Variants in DNAH14 observed in about 807,000 individuals in gnomAD.
DNAH14 encodes the protein axonemal beta dynein heavy chain 14.
DNAH14 carries 478 observed loss-of-function variants against 520.9 expected under a neutral mutation model. The observed-to-expected ratio is 0.92, with a 90% CI of 0.85 to 0.99. DNAH14 has a LOEUF of 0.99. DNAH14 is among the 50% of genes least tolerant of loss of function. The pLI is 0.00. For missense variants in DNAH14, 4,831 were observed against 5,234.5 expected (o/e 0.92, Z 2.38); for synonymous variants, 1,581 against 1,757.2 (o/e 0.90, Z 2.51).
intron 11 of DNAH14, among the ~76,000 whole-genome samples, chr1:225,035,007 A>T (rs2066840865): frequency 6.7e-6 from 1 of 149,924 alleles, no homozygotes; most frequent in Admixed American, 6.7e-5. Context: ...TATTTTATTA[A>T]TTTTTTCAAA....
chr1:225,171,365 A>T (rs979916224), intron 36 of DNAH14, among the ~76,000 whole-genome samples: 8 of 152,164 alleles, frequency 5.3e-5, no homozygotes, highest in Admixed American at 5.2e-4. Flanking sequence ...AAATTGATAG[A>T]CCGCTAGCAA....
intron 84 of DNAH14, among the ~76,000 whole-genome samples, chr1:225,393,673 A>G (rs1282417609): frequency 1.3e-5 from 2 of 151,892 alleles, no homozygotes; most frequent in Non-Finnish European, 1.5e-5. Flanking sequence ...GATACTGCCA[A>G]ATGGTTTTTC....
intron 4 of DNAH14, among the ~76,000 whole-genome samples, chr1:224,960,590 A>T (rs565834372): frequency 6.6e-6 from 1 of 152,238 alleles, no homozygotes; most frequent in African/African-American, 2.4e-5. Context: ...TTTTTTACAT[A>T]CAACTGTAGT....
At chr1:225,236,540 A>G (rs1486950235) in intron 42 of DNAH14, among the ~76,000 whole-genome samples, 1 of 152,172 alleles carries the variant, frequency 6.6e-6, no homozygotes, top group African/African-American at 2.4e-5. Flanking sequence ...TACCAGGTCC[A>G]CTTAATCCAG....
Position 225,110,882 on chromosome 1 carries a change from A to G in DNAH14, c.3868-6802A>G, listed in dbSNP as rs557057825. On this transcript the variant is annotated intron_variant, in intron 23 of 85. Transcript: ENST00000682510. ...TCTTAATGTCTTCATTGACACTGAC[A>G]TGGTCATTCAGGAGCATATGGTTTA... 7.2e-5 allele frequency among the ~76,000 whole-genome samples: 11 copies of G among 152,132 alleles called. No individual in the cohort carries two copies. In the East Asian group the frequency reaches 1.9e-3, roughly 27 times the overall value.
At chr1:225,352,562 G>T (rs952852375) in intron 72 of DNAH14, among the ~76,000 whole-genome samples, 1 of 152,066 alleles carries the variant, frequency 6.6e-6, no homozygotes, top group Admixed American at 6.6e-5. Flanking sequence ...TTCTTGAAAA[G>T]TCTATGATAA....
At chr1:225,003,038 C>A (rs1443891837) in intron 9 of DNAH14, 111 bp downstream of exon 9, 1 of 940,584 alleles carries the variant, frequency 1.1e-6, no homozygotes, top group Non-Finnish European at 1.5e-6. Flanking sequence ...TAAACCATCT[C>A]TTTCGATTAC....
rs1251743826 is a variant in DNAH14, at chr1:225,103,686, CTGTT to C, written c.3867+2806_3867+2809del. On this transcript the variant is annotated intron_variant, in intron 23 of 85. Coordinates refer to ENST00000682510, the MANE Select transcript of DNAH14 (RefSeq NM_001367479.1). ...GGGAGTTCACTCATGATATGGCTCT[CTGTT>C]TGTCTGTCATTGGTGTATAAGAACG... Among the ~76,000 whole-genome samples the C allele has an allele frequency of 7.2e-5, 11 of 152,228 alleles. 1 individual carries two copies. The East Asian group carries it at 1.2e-3, about 16-fold the overall frequency.
intron 36 of DNAH14, among the ~76,000 whole-genome samples, chr1:225,177,403 A>C (rs577058005): frequency 1.3e-5 from 2 of 152,316 alleles, no homozygotes; most frequent in East Asian, 3.9e-4. Flanking sequence ...TCATTTTCTG[A>C]GGAGAAATCC....
chr1:225,089,860 C>T (rs1032378792), intron 21 of DNAH14, among the ~76,000 whole-genome samples: 6 of 152,056 alleles, frequency 3.9e-5, no homozygotes, highest in Non-Finnish European at 7.4e-5. Flanking sequence ...ACATTTTGTC[C>T]TTAATAGTGA....
At chr1:225,089,442 C>CA (rs1169182387) in intron 21 of DNAH14, among the ~76,000 whole-genome samples, 4,566 of 29,700 alleles carry the variant, frequency 0.15, 289 homozygotes, top group East Asian at 0.2. Context: ...AAAACTCCGT[C>CA]AAAAAAAAAA....
chr1:224,996,811 T>C (rs2063422936), intron 8 of DNAH14, among the ~76,000 whole-genome samples: 1 of 152,178 alleles, frequency 6.6e-6, no homozygotes, highest in African/African-American at 2.4e-5. Flanking sequence ...TTAGTAGAAA[T>C]ACACAGATGA....
At chr1:225,158,058 C>G (rs2081203979) in intron 34 of DNAH14, among the ~76,000 whole-genome samples, 1 of 152,138 alleles carries the variant, frequency 6.6e-6, no homozygotes, top group African/African-American at 2.4e-5. Flanking sequence ...ATTCTCCTGA[C>G]AAAGAAATGA....
chr1:225,353,813 G>A lies in DNAH14; in HGVS notation c.11544G>A (p.Leu3848=), dbSNP rs998928984. 6 of 1,493,272 alleles carry A rather than the reference G, an allele frequency of 4.0e-6. No homozygotes were observed. The Admixed American group carries it at 6.4e-5, about 16-fold the overall frequency. 92.5% of individuals were successfully genotyped at this position (1,493,272 alleles called of 1,614,324 possible). ...CTAAATTATATCTAGCTGAACTTTT[G>A]AATGAAAATAAAGAAACGTGTAATC... ...NTKPPEETEL[L]NENKETCNPI... The change falls in exon 73 of 86, where the codon TTG becomes TTA. Residue 3848 remains leucine (L), a synonymous_variant. Transcript: ENST00000682510.
intron 60 of DNAH14, among the ~76,000 whole-genome samples, chr1:225,316,534 G>C (rs1196607054): frequency 6.6e-6 from 1 of 152,212 alleles, no homozygotes; most frequent in African/African-American, 2.4e-5. Flanking sequence ...TGTGGGAAAA[G>C]TGTAGTATCT....
chr1:225,067,460 A>G (rs1053997247), intron 17 of DNAH14, among the ~76,000 whole-genome samples: 6 of 152,132 alleles, frequency 3.9e-5, no homozygotes, highest in African/African-American at 1.2e-4. Flanking sequence ...AGAATGATTT[A>G]TATTCCTTTG....
rs963952398 is a variant in DNAH14, at chr1:225,080,494, A to G, written c.2882A>G (p.His961Arg). The G allele has an allele frequency of 6.4e-6, 10 of 1,551,722 alleles. No homozygotes were observed. Among genetic ancestry groups the G allele is most frequent in the Admixed American group, 2.0e-5 (1 of 50,994 alleles). ...ACTAACAAAGCTAAAGCATATTCACATTATCAGGATTGTTTCAGTGATTCT... is the reference window on the plus strand; with the variant it reads ...ACTAACAAAGCTAAAGCATATTCACGTTATCAGGATTGTTTCAGTGATTCT... ...SLTNKAKAYS[H>R]YQDCFSDSQS... The change falls in exon 19 of 86, where the codon CAT becomes CGT. Residue 961 changes from histidine to arginine, a missense_variant. His to Arg is a conservative substitution (Grantham distance 29, BLOSUM62 0). Coordinates refer to ENST00000682510, the MANE Select transcript of DNAH14 (RefSeq NM_001367479.1).
intron 36 of DNAH14, among the ~76,000 whole-genome samples, chr1:225,180,883 T>C (rs763025551): frequency 8.5e-5 from 13 of 152,198 alleles, no homozygotes; most frequent in African/African-American, 2.7e-4. Flanking sequence ...CATGGTTATA[T>C]TGTGTGATGC....
intron 27 of DNAH14, among the ~76,000 whole-genome samples, chr1:225,124,392 A>C (rs1460718939): frequency 6.6e-6 from 1 of 152,234 alleles, no homozygotes; most frequent in African/African-American, 2.4e-5. Flanking sequence ...AATTGGAGTC[A>C]ATTCTCTCAA....
Sources: allele counts gnomAD v4.1 joint callset (sites outside exome capture counted in the v4.1 genomes callset), GRCh38; gene constraint gnomAD v4.1.1; transcripts MANE v1.5; gene names NCBI Gene and HGNC (gene_info 2026-07-23, HGNC 2026-07-21).